Variants in HAT1 observed in about 807,000 individuals in gnomAD.
HAT1 encodes the protein histone acetyltransferase 1.
A neutral mutation model predicts 56.6 loss-of-function variants in HAT1; 20 were observed. The observed-to-expected ratio is 0.35, with a 90% CI of 0.25 to 0.51. The LOEUF is 0.51. Among genes scored for constraint, HAT1 ranks in the 20% least tolerant of loss-of-function variants. HAT1 has a pLI of 0.95. For synonymous variants in HAT1, 146 were observed against 165.5 expected (o/e 0.88, Z 0.91); for missense variants, 408 against 504.3 (o/e 0.81, Z 1.83).
At chr2:171,943,172 C>T (rs574533781) in intron 2 of HAT1, among the ~76,000 whole-genome samples, 10 of 150,680 alleles carry the variant, frequency 6.6e-5, no homozygotes, top group East Asian at 1.9e-4. Context: ...GAGGCTGAGG[C>T]GGGCAGATCA....
chr2:171,974,961 T>G (rs1480768624), intron 8 of HAT1, among the ~76,000 whole-genome samples: 1 of 152,190 alleles, frequency 6.6e-6, no homozygotes, highest in Non-Finnish European at 1.5e-5. Flanking sequence ...ATTGCCAGAT[T>G]TGGTTTGCTA....
intron 4 of HAT1, among the ~76,000 whole-genome samples, chr2:171,959,336 T>C (rs1443459830): frequency 1.3e-5 from 2 of 152,222 alleles, no homozygotes; most frequent in Non-Finnish European, 1.5e-5. Context: ...GTTGGAGGGT[T>C]TTTGTTTTTT....
chr2:171,938,027 T>TCTCTCTCC (rs1686915621), intron 2 of HAT1, among the ~76,000 whole-genome samples: 6 of 45,232 alleles, frequency 1.3e-4, no homozygotes, highest in East Asian at 7.8e-4. Flanking sequence ...CTACTGATTC[T>TCTCTCTCC]CTCTCTCTCT....
intron 3 of HAT1, among the ~76,000 whole-genome samples, chr2:171,949,365 A>C (rs936927998): frequency 6.6e-6 from 1 of 151,972 alleles, no homozygotes; most frequent in Non-Finnish European, 1.5e-5. Context: ...GGCGTGTACC[A>C]CCATACCCAG....
At chr2:171,971,739 G>A (rs1479880741) in intron 8 of HAT1, among the ~76,000 whole-genome samples, 2 of 152,174 alleles carry the variant, frequency 1.3e-5, no homozygotes, top group Non-Finnish European at 2.9e-5. Context: ...ATAATGTCAA[G>A]TTTAGCCTGT....
Position 171,939,981 on chromosome 2 carries a change from G to C in HAT1, c.113-6727G>C, listed in dbSNP as rs78069724. 6.6e-4 allele frequency among the ~76,000 whole-genome samples: 101 copies of C among 151,982 alleles called. 1 individual carries two copies. The East Asian group carries it at 0.014, about 21-fold the overall frequency. On this transcript the variant is annotated intron_variant, in intron 2 of 10. Transcript: ENST00000264108. ...AGAAAGGGTATCACTGTATTGCTCA[G>C]GCTAGTCTCAAACTCCTGGACTCAG...
chr2:171,970,757 A>T (rs1574063937), intron 8 of HAT1, among the ~76,000 whole-genome samples: 1 of 148,730 alleles, frequency 6.7e-6, no homozygotes, highest in Admixed American at 6.7e-5. Flanking sequence ...TAACCTTGTG[A>T]CCCTCCGGCC....
intron 4 of HAT1, among the ~76,000 whole-genome samples, chr2:171,954,998 G>A (rs1687404053): frequency 1.3e-5 from 2 of 152,186 alleles, no homozygotes; most frequent in African/African-American, 4.8e-5. Flanking sequence ...GCTGGAAGAA[G>A]AAAGGAACAG....
At chr2:171,951,552 T>G (rs1203200446) in intron 3 of HAT1, among the ~76,000 whole-genome samples, 1 of 151,526 alleles carries the variant, frequency 6.6e-6, no homozygotes, top group Non-Finnish European at 1.5e-5. Context: ...CTTGAGTAGC[T>G]GGGATTACAG....
At chr2:171,942,513 T>A (rs995985668) in intron 2 of HAT1, among the ~76,000 whole-genome samples, 6 of 152,234 alleles carry the variant, frequency 3.9e-5, no homozygotes, top group Admixed American at 2.6e-4. Flanking sequence ...TTTGTCATGA[T>A]AACATGTTTA....
intron 2 of HAT1, among the ~76,000 whole-genome samples, chr2:171,938,039 T>TCTCTCTCTCTCC (rs1686917362): frequency 1.0e-5 from 1 of 98,508 alleles, no homozygotes; most frequent in South Asian, 3.5e-4. Flanking sequence ...TCTCTCTCTC[T>TCTCTCTCTCTCC]CTCTCTCTCT....
intron 8 of HAT1, among the ~76,000 whole-genome samples, chr2:171,974,181 AAAAAAAAAAAAG>A (rs1384646370): frequency 1.1e-4 from 11 of 101,836 alleles, no homozygotes; most frequent in African/African-American, 3.8e-4. Context: ...CTCAAAAAAA[AAAAAAAAAAAAG>A]AAAAAAAGAA....
chr2:171,959,946 G>A (rs962350993), intron 4 of HAT1, among the ~76,000 whole-genome samples: 2 of 152,184 alleles, frequency 1.3e-5, no homozygotes, highest in African/African-American at 4.8e-5. Context: ...TGGCATTTTT[G>A]TAGTCCAGAA....
At chr2:171,962,958 T>C (rs1193997422) in intron 4 of HAT1, among the ~76,000 whole-genome samples, 1 of 152,122 alleles carries the variant, frequency 6.6e-6, no homozygotes, top group Non-Finnish European at 1.5e-5. Context: ...GATTTTATTA[T>C]CTGATCAGTA....
chr2:171,948,539 T>C (rs1481432537), intron 3 of HAT1, among the ~76,000 whole-genome samples: 1 of 152,162 alleles, frequency 6.6e-6, no homozygotes, highest in African/African-American at 2.4e-5. Flanking sequence ...CAGTACTATC[T>C]TCTGATATAC....
intron 2 of HAT1, among the ~76,000 whole-genome samples, chr2:171,934,566 T>TG (rs1182839264): frequency 6.6e-6 from 1 of 152,092 alleles, no homozygotes; most frequent in Non-Finnish European, 1.5e-5. Context: ...AAGAAGGCGT[T>TG]GGAGATTTGA....
chr2:171,925,163 C>G (rs567614149), intron 1 of HAT1, among the ~76,000 whole-genome samples: 2 of 151,004 alleles, frequency 1.3e-5, no homozygotes, highest in South Asian at 4.2e-4. Flanking sequence ...CCCTCTGCCT[C>G]CTGGGTTCAA....
chr2:171,962,354 T>C (rs1457915047), intron 4 of HAT1, among the ~76,000 whole-genome samples: 1 of 152,134 alleles, frequency 6.6e-6, no homozygotes, highest in Non-Finnish European at 1.5e-5. Flanking sequence ...TAGGAAACCA[T>C]TTGTAAGAGA....
chr2:171,974,173 C>CAAAAAAAAAAA (rs1183466393), intron 8 of HAT1, among the ~76,000 whole-genome samples: 114 of 45,468 alleles, frequency 2.5e-3, no homozygotes, highest in African/African-American at 0.011. Flanking sequence ...GACCCTGTCT[C>CAAAAAAAAAAA]AAAAAAAAAA....
Sources: allele counts gnomAD v4.1 joint callset (sites outside exome capture counted in the v4.1 genomes callset), GRCh38; gene constraint gnomAD v4.1.1; transcripts MANE v1.5; gene names NCBI Gene and HGNC (gene_info 2026-07-23, HGNC 2026-07-21).